MYPN: variants seen among roughly 807,000 people sequenced by gnomAD.
MYPN encodes the protein myopalladin.
Under a neutral mutation model 129.4 loss-of-function variants are expected in MYPN, and 63 were observed. The observed-to-expected ratio is 0.49, with a 90% CI of 0.40 to 0.60. The LOEUF is 0.60. Ranked by LOEUF, MYPN falls within the 20% of genes least tolerant of loss-of-function variation. MYPN has a pLI of 0.00. For synonymous variants in MYPN, 629 were observed against 600.9 expected (o/e 1.05, Z -0.68); for missense variants, 1,596 against 1,635.4 (o/e 0.98, Z 0.42).
chr10:68,146,663 G>A (rs1413123237), intron 4 of MYPN, among the ~76,000 whole-genome samples: 2 of 152,180 alleles, frequency 1.3e-5, no homozygotes, highest in Non-Finnish European at 2.9e-5. Context: ...AGGTTCCTCT[G>A]TGCTTCCTGC....
At chr10:68,141,367 C>CA (rs34852415) in intron 2 of MYPN, among the ~76,000 whole-genome samples, 5,951 of 92,174 alleles carry the variant, frequency 0.065, 164 homozygotes, top group Non-Finnish European at 0.085. Flanking sequence ...GACTCGGTCT[C>CA]AAAAAAAAAA....
At chr10:68,154,294 CCAG>C (rs1476459671) in intron 6 of MYPN, among the ~76,000 whole-genome samples, 2 of 152,248 alleles carry the variant, frequency 1.3e-5, no homozygotes, top group Non-Finnish European at 2.9e-5. Context: ...TGCTCCCACC[CCAG>C]CAGCAGCTGC....
At chr10:68,168,991 T>TA (rs71009012) in intron 10 of MYPN, among the ~76,000 whole-genome samples, 1,470 of 80,212 alleles carry the variant, frequency 0.018, 134 homozygotes, top group African/African-American at 0.078. Context: ...GATTATTTCT[T>TA]AAAAAAAAAA....
chr10:68,100,195 G>A (rs2041975611), intron 1 of MYPN, among the ~76,000 whole-genome samples: 1 of 152,080 alleles, frequency 6.6e-6, no homozygotes, highest in Non-Finnish European at 1.5e-5. Flanking sequence ...CTGGGTTATT[G>A]TAGTAAATTA....
At chr10:68,112,072 G>A (rs1231934386) in intron 1 of MYPN, among the ~76,000 whole-genome samples, 1 of 152,138 alleles carries the variant, frequency 6.6e-6, no homozygotes, top group African/African-American at 2.4e-5. Context: ...TCCCATTTGG[G>A]ATTTCCTTTA....
chr10:68,206,737 T>A (rs1373704613), intron 18 of MYPN, 33 bp from the exon 19 acceptor site: 3 of 1,613,838 alleles, frequency 1.9e-6, no homozygotes, highest in Non-Finnish European at 2.5e-6. Context: ...TGCCCCCCGA[T>A]AAAATATAGG....
At chr10:68,170,875 A>G (rs1248034892) in intron 10 of MYPN, among the ~76,000 whole-genome samples, 2 of 152,030 alleles carry the variant, frequency 1.3e-5, no homozygotes, top group South Asian at 2.1e-4. Flanking sequence ...CCGGCCGGGC[A>G]TGGTGGCTCA....
In MYPN at chr10:68,195,473, C is replaced by G. The variant is rs1486921301; in HGVS notation, c.3099C>G (p.His1033Gln). 9 of 1,614,058 alleles carry G rather than the reference C, an allele frequency of 5.6e-6. No individual in the cohort carries two copies. In the East Asian group the frequency reaches 2.0e-4, roughly 36 times the overall value. The change falls in exon 15 of 20, where the codon CAC (histidine) becomes CAG (glutamine). Residue 1033 changes from histidine (H) to glutamine (Q), a missense_variant. By Grantham distance (24) the His-to-Gln change is conservative (BLOSUM62 0). Coordinates refer to ENST00000358913, the MANE Select transcript of MYPN (RefSeq NM_032578.4). ...NPQGRISCSG[H>Q]LMVQSLPIRS... Reference sequence around the variant, plus strand: ...AGGGGAGAATCAGCTGTTCTGGCCACTTGATGGTACAAAGTTTGCCCATTC... The same window carrying G: ...AGGGGAGAATCAGCTGTTCTGGCCAGTTGATGGTACAAAGTTTGCCCATTC...
At chr10:68,149,012 G>A (rs1254746539) in intron 5 of MYPN, among the ~76,000 whole-genome samples, 1 of 152,100 alleles carries the variant, frequency 6.6e-6, no homozygotes, top group Non-Finnish European at 1.5e-5. Context: ...GATTGCTTGA[G>A]TCCAGGAGTT....
intron 6 of MYPN, among the ~76,000 whole-genome samples, chr10:68,157,575 TG>T (rs1589567502): frequency 1.3e-5 from 2 of 150,124 alleles, no homozygotes; most frequent in African/African-American, 4.9e-5. Context: ...AGCTCAAGCC[TG>T]TAATCCCAGC....
chr10:68,125,817 G>A (rs1466251322), intron 2 of MYPN, among the ~76,000 whole-genome samples: 2 of 152,148 alleles, frequency 1.3e-5, no homozygotes, highest in African/African-American at 2.4e-5. Context: ...TGATTCACTG[G>A]GAGTACAAAA....
intron 5 of MYPN, 78 bp downstream of exon 5, chr10:68,148,545 A>C: frequency 1.7e-6 from 2 of 1,188,148 alleles, no homozygotes; most frequent in Non-Finnish European, 2.5e-6. Flanking sequence ...CTTGCATGGC[A>C]TGATCGTGTT....
chr10:68,187,887 A>G (rs2043446578), intron 12 of MYPN, among the ~76,000 whole-genome samples: 1 of 152,222 alleles, frequency 6.6e-6, no homozygotes, highest in African/African-American at 2.4e-5. Context: ...AAGTAAGGTA[A>G]GAATGGATAA....
chr10:68,123,594 G>A (rs1477941442), intron 2 of MYPN, among the ~76,000 whole-genome samples: 3 of 151,110 alleles, frequency 2.0e-5, no homozygotes, highest in Non-Finnish European at 4.4e-5. Flanking sequence ...GCTGAGGCAG[G>A]AGACTGGCGT....
At chr10:68,202,626 C>A (rs373268028) in intron 18 of MYPN, among the ~76,000 whole-genome samples, 1 of 152,136 alleles carries the variant, frequency 6.6e-6, no homozygotes. Flanking sequence ...CTTAAGGATC[C>A]AGTTTCTTAA....
At chr10:68,119,707 C>A (rs2042213241) in intron 1 of MYPN, among the ~76,000 whole-genome samples, 1 of 152,230 alleles carries the variant, frequency 6.6e-6, no homozygotes, top group African/African-American at 2.4e-5. Context: ...CCGCTGTGCC[C>A]TGTCACCTTT....
At chr10:68,133,834 T>C (rs1026722441) in intron 2 of MYPN, among the ~76,000 whole-genome samples, 6 of 150,620 alleles carry the variant, frequency 4.0e-5, no homozygotes, top group African/African-American at 1.5e-4. Context: ...GCATCCCAGA[T>C]AGCCAGGAGG....
chr10:68,094,768 A>G (rs140993614), intron 1 of MYPN, among the ~76,000 whole-genome samples: 66 of 152,310 alleles, frequency 4.3e-4, no homozygotes, highest in African/African-American at 1.5e-3. Flanking sequence ...TGTGTAAAAT[A>G]TAAAGCATGG....
At position 68,138,235 on chromosome 10, in the gene MYPN, T is replaced by C. The variant is rs968883938; in HGVS notation, c.903-4705T>C. On this transcript the variant is annotated intron_variant, in intron 2 of 19. Coordinates refer to ENST00000358913, the MANE Select transcript of MYPN (RefSeq NM_032578.4). The stretch of plus-strand genomic sequence containing the variant: ...CTCCTTCCTCAGTCTCCTGAGTAGC[T>C]GGGAATACAGGTGTGCATCACCATG... Among the ~76,000 whole-genome samples, 5 of 151,704 alleles carry C rather than the reference T, an allele frequency of 3.3e-5. No homozygotes were observed. The South Asian group carries it at 8.3e-4, about 25-fold the overall frequency.
Sources: allele counts gnomAD v4.1 joint callset (sites outside exome capture counted in the v4.1 genomes callset), GRCh38; gene constraint gnomAD v4.1.1; transcripts MANE v1.5; gene names NCBI Gene and HGNC (gene_info 2026-07-23, HGNC 2026-07-21).